The following OR56A3 variants were observed in gnomAD, a reference collection of about 807,000 sequenced individuals.
OR56A3 encodes olfactory receptor 56A3.
In OR56A3, 23 loss-of-function variants were observed where a neutral mutation model predicts 17.5. The observed-to-expected ratio is 1.32, with a 90% CI of 0.95 to 1.87. The LOEUF is 1.87. Ranked by LOEUF, OR56A3 falls within the 40% of genes most tolerant of loss-of-function variation. The pLI is 0.00. For missense variants in OR56A3, 366 were observed against 380.1 expected (o/e 0.96, Z 0.31); for synonymous variants, 175 against 150.6 (o/e 1.16, Z -1.19).
At position 5,948,183 on chromosome 11, in the gene OR56A3, G is replaced by A. The variant is rs1335540864; in HGVS notation, c.837G>A (p.Leu279=). 8 of 1,614,048 alleles carry A rather than the reference G, an allele frequency of 5.0e-6. No homozygotes were observed. The highest frequency in any genetic ancestry group is 6.8e-6 in the Non-Finnish European group (8 of 1,180,014). ...KKKVSPDVPV[L]LNVLHHVIPA... ...AAGTCTCCCCTGATGTGCCAGTCTT[G>A]CTCAATGTTCTCCACCATGTCATTC... Residue 279 remains leucine, a synonymous_variant, in exon 3 of 3, where the codon TTG becomes TTA. Coordinates refer to ENST00000641160, the MANE Select transcript of OR56A3 (RefSeq NM_001003443.3).
At chr11:5,982,323 G>T in the OR56A3 span, among the ~76,000 whole-genome samples, 1 of 152,190 alleles carries the variant, frequency 6.6e-6, no homozygotes, top group Non-Finnish European at 1.5e-5. Context: ...CGATGGCGGG[G>T]TGTCAATGTC....
chr11:5,943,683 A>G (rs187915255), intron 1 of OR56A3, among the ~76,000 whole-genome samples: 2 of 152,318 alleles, frequency 1.3e-5, no homozygotes, highest in Non-Finnish European at 2.9e-5. Context: ...CTGTACGCCA[A>G]TAAAGTTCAA....
chr11:6,009,521 ATTTAT>A, the OR56A3 span, among the ~76,000 whole-genome samples: 1 of 152,140 alleles, frequency 6.6e-6, no homozygotes, highest in Non-Finnish European at 1.5e-5. Context: ...ATATATTTCA[ATTTAT>A]TTGAGTTACA....
the OR56A3 span, among the ~76,000 whole-genome samples, chr11:6,009,654 T>C: frequency 2.0e-4 from 30 of 152,318 alleles, 1 homozygote; most frequent in African/African-American, 7.0e-4. Context: ...CGCTCCTCTA[T>C]AGGTAATGTA....
chr11:5,982,781 A>G, the OR56A3 span, among the ~76,000 whole-genome samples: 1 of 152,070 alleles, frequency 6.6e-6, no homozygotes, highest in African/African-American at 2.4e-5. Context: ...TCAAATGTTT[A>G]TGGGGGTTGT....
the OR56A3 span, among the ~76,000 whole-genome samples, chr11:5,977,338 A>G: frequency 6.6e-6 from 1 of 152,348 alleles, no homozygotes; most frequent in South Asian, 2.1e-4. Flanking sequence ...CCAGCAATGT[A>G]TAAGTGTTCC....
chr11:5,973,066 T>A, the OR56A3 span, among the ~76,000 whole-genome samples: 1 of 152,338 alleles, frequency 6.6e-6, no homozygotes, highest in African/African-American at 2.4e-5. Flanking sequence ...CCTACAAGAT[T>A]TCCTTCTTTT....
the OR56A3 span, among the ~76,000 whole-genome samples, chr11:5,991,385 C>T: frequency 6.6e-6 from 1 of 152,178 alleles, no homozygotes; most frequent in Non-Finnish European, 1.5e-5. Context: ...TCCCTTTCCC[C>T]CACTGTCATA....
rs760036376 is a variant in OR56A3 at position 5,947,475 on chromosome 11, A to G, written c.129A>G (p.Val43=). The G allele has an allele frequency of 1.2e-6, 2 of 1,613,926 alleles. No individual in the cohort carries two copies. Among genetic ancestry groups the G allele is most frequent in the South Asian group, 2.2e-5 (2 of 91,052 alleles). ...TCAGCCTCCTTTTCCTCTTGGCCGT[A>G]GGGGCCAACACCACCCTCCTGATGA... ...LPLSLLFLLA[V]GANTTLLMTI... Residue 43 remains valine (V), a synonymous_variant, in exon 3 of 3, where the codon GTA becomes GTG. Coordinates refer to ENST00000641160, the MANE Select transcript of OR56A3 (RefSeq NM_001003443.3).
the OR56A3 span, among the ~76,000 whole-genome samples, chr11:5,960,529 G>A: frequency 1.2e-4 from 19 of 152,336 alleles, no homozygotes; most frequent in African/African-American, 3.1e-4. Flanking sequence ...CCGAGGTGCC[G>A]GGATTGCAGA....
the OR56A3 span, among the ~76,000 whole-genome samples, chr11:5,965,215 G>A: frequency 6.6e-6 from 1 of 152,202 alleles, no homozygotes. Flanking sequence ...GTCTCCACAT[G>A]TAAGTTAACA....
chr11:5,947,240 C>G, intron 2 of OR56A3, 71 bp from the exon 3 acceptor site: 1 of 1,063,030 alleles, frequency 9.4e-7, no homozygotes, highest in Non-Finnish European at 1.3e-6. Flanking sequence ...CAAGTTGTAC[C>G]TATGACAAAC....
At chr11:6,012,197 C>T in the OR56A3 span, among the ~76,000 whole-genome samples, 2 of 152,164 alleles carry the variant, frequency 1.3e-5, no homozygotes, top group Non-Finnish European at 2.9e-5. Flanking sequence ...TACAGACAAG[C>T]GGAGGTTGAG....
At chr11:5,973,317 T>C in the OR56A3 span, among the ~76,000 whole-genome samples, 3 of 152,156 alleles carry the variant, frequency 2.0e-5, no homozygotes, top group Admixed American at 6.5e-5. Flanking sequence ...AAAACCAACT[T>C]TCCTAATATG....
At chr11:5,953,396 T>C (rs1847917953), downstream of OR56A3, among the ~76,000 whole-genome samples, 1 of 152,226 alleles carries the variant, frequency 6.6e-6, no homozygotes, top group Admixed American at 6.5e-5. Context: ...TTTCTCTTGA[T>C]GATTACTGAT....
At chr11:6,002,501 C>G in the OR56A3 span, 2 of 1,614,180 alleles carry the variant, frequency 1.2e-6, no homozygotes, top group Non-Finnish European at 1.7e-6. Flanking sequence ...TGGCAGAAAG[C>G]ATGGGAACAG....
chr11:5,976,067 A>G, the OR56A3 span, among the ~76,000 whole-genome samples: 3 of 152,056 alleles, frequency 2.0e-5, no homozygotes, highest in African/African-American at 7.2e-5. Flanking sequence ...TAAAGGGGGC[A>G]GTTCCAGAAA....
chr11:5,986,795 C>G, the OR56A3 span: 2 of 1,614,026 alleles, frequency 1.2e-6, no homozygotes, highest in South Asian at 2.2e-5. Flanking sequence ...AGGGGCAGTG[C>G]AATCCAGTGC....
At chr11:5,994,432 A>G in the OR56A3 span, 1 of 732,744 alleles carries the variant, frequency 1.4e-6, no homozygotes, top group Non-Finnish European at 2.5e-6. Flanking sequence ...TGATCTTGGC[A>G]TGGTCCTGAG....
Sources: gnomAD v4.1 joint callset for allele counts (sites outside exome capture counted in the v4.1 genomes callset) on GRCh38, gnomAD v4.1.1 for gene constraint, MANE v1.5 for transcripts, NCBI Gene and HGNC (gene_info 2026-07-23, HGNC 2026-07-21) for gene names.